Variants in TMEM39A observed in about 807,000 individuals in gnomAD.
TMEM39A encodes the protein transmembrane protein 39A.
In TMEM39A, 19 loss-of-function variants were observed where a neutral mutation model predicts 51.9. That is an observed-to-expected ratio of 0.37 (90% CI 0.26 to 0.54). The LOEUF is 0.54. Ranked by LOEUF, TMEM39A falls within the 20% of genes least tolerant of loss-of-function variation. The pLI is 0.88. For synonymous variants in TMEM39A, 197 were observed against 220.2 expected (o/e 0.89, Z 0.93); for missense variants, 433 against 590.5 (o/e 0.73, Z 2.76).
rs1357821862 is a variant in TMEM39A at position 119,447,112 on chromosome 3, C to T, written c.481G>A (p.Val161Ile). 1.2e-6 allele frequency: 2 copies of T among 1,614,090 alleles called. No homozygotes were observed. The highest frequency in any genetic ancestry group is 1.7e-5 in the Admixed American group (1 of 60,012). The change falls in exon 5 of 9, where the codon GTA (valine) becomes ATA (isoleucine). Residue 161 changes from valine to isoleucine, a missense_variant. Val to Ile is a conservative substitution (Grantham distance 29, BLOSUM62 3). Transcript: ENST00000319172. Reference protein sequence around the residue: ...HYMVLISARLVLLTLCGWVLC... With the variant: ...HYMVLISARLILLTLCGWVLC... ...ACCCATCCACACAAAGTGAGTAGTA[C>T]CAAGCGAGCTGATATCAGAACCATG...
intron 4 of TMEM39A, chr3:119,451,203 T>C (rs2081193355): frequency 2.4e-6 from 3 of 1,257,618 alleles, no homozygotes; most frequent in Non-Finnish European, 3.1e-6. Flanking sequence ...CAAGGAATCC[T>C]ACTACCTGTG....
chr3:119,444,590 GT>G (rs1315783554), intron 5 of TMEM39A, among the ~76,000 whole-genome samples: 1 of 152,070 alleles, frequency 6.6e-6, no homozygotes. Flanking sequence ...TTTATACTTT[GT>G]AATTACCCAC....
chr3:119,452,539 GAAAT>G lies in TMEM39A; in HGVS notation c.337-13_337-10del. 1 of 1,607,910 alleles carries G rather than the reference GAAAT, an allele frequency of 6.2e-7. No individual in the cohort carries two copies. The highest frequency in any genetic ancestry group is 2.2e-5 in the East Asian group (1 of 44,742). ...TCAATGAGATGAAAATTCTACAACA[GAAAT>G]AAATAACTACATCAGAAAGAAATAT... On this transcript the variant is annotated splice_polypyrimidine_tract_variant and intron_variant, in intron 3 of 8. Coordinates refer to ENST00000319172, the MANE Select transcript of TMEM39A (RefSeq NM_018266.3).
chr3:119,435,305 A>C (rs2080953286), intron 7 of TMEM39A: 1 of 985,288 alleles, frequency 1.0e-6, no homozygotes, highest in South Asian at 4.7e-5. Flanking sequence ...GCACATTGTC[A>C]ATCTAGCATG....
chr3:119,458,286 T>C, intron 2 of TMEM39A, 46 bp from the exon 3 acceptor site: 4 of 1,555,998 alleles, frequency 2.6e-6, no homozygotes, highest in Non-Finnish European at 3.5e-6. Context: ...TAACCTCCAG[T>C]ATCACAGAAC....
In TMEM39A at chr3:119,430,849, ACT is replaced by A. The variant is rs1460879165; in HGVS notation, c.*1130_*1131del. 6.6e-6 allele frequency: 1 copy of A among 152,092 alleles called. No individual in the cohort carries two copies. The highest frequency in any genetic ancestry group is 2.4e-5 in the African/African-American group (1 of 41,404). 9.4% of individuals were successfully genotyped at this position (152,092 alleles called of 1,614,324 possible). A position where few individuals can be genotyped will look rare whatever the true frequency, so the allele number is the denominator to read the frequency against. The stretch of plus-strand genomic sequence containing the variant: ...AAAGCTTCACAGTGTAACAAACCAA[ACT>A]CAGCACAGAAAACATATGACAATAT... On this transcript the variant is annotated 3_prime_UTR_variant, in exon 9 of 9. Transcript: ENST00000319172.
chr3:119,460,313 C>T (rs1477127772), intron 2 of TMEM39A, among the ~76,000 whole-genome samples: 4 of 152,000 alleles, frequency 2.6e-5, no homozygotes, highest in East Asian at 1.9e-4. Context: ...GAAAAGAATA[C>T]CAAACCCAGT....
At chr3:119,435,913 T>C (rs1308954739) in intron 7 of TMEM39A, 1 of 1,289,760 alleles carries the variant, frequency 7.8e-7, no homozygotes, top group Non-Finnish European at 1.0e-6. Context: ...TTTCAGTTCC[T>C]GGGCTTGAAG....
At chr3:119,445,004 T>C (rs1012056326) in intron 5 of TMEM39A, among the ~76,000 whole-genome samples, 2 of 151,908 alleles carry the variant, frequency 1.3e-5, no homozygotes, top group African/African-American at 4.8e-5. Flanking sequence ...TGCTTGAGCC[T>C]GAGAGGTCAA....
At chr3:119,445,563 C>G (rs559054885) in intron 5 of TMEM39A, among the ~76,000 whole-genome samples, 1 of 152,140 alleles carries the variant, frequency 6.6e-6, no homozygotes. Context: ...CCGCGCCCGG[C>G]GGGAATTTTA....
chr3:119,435,676 TA>T (rs11410721), intron 7 of TMEM39A: 326,178 of 872,502 alleles, frequency 0.37, 10,306 homozygotes, highest in East Asian at 0.42. Context: ...GATATGTTAT[TA>T]AAAAAAAAAA....
At position 119,460,218 on chromosome 3, in the gene TMEM39A, T is replaced by C. The variant is rs187289522; in HGVS notation, c.113+1744A>G. On this transcript the variant is annotated intron_variant, in intron 2 of 8. Transcript: ENST00000319172. Reference sequence around the variant, plus strand: ...CCCAGTTAATTGCTAAATAAACATATGTTAAAGGAGGAGAGAAAGGCAGAT... The same window carrying C: ...CCCAGTTAATTGCTAAATAAACATACGTTAAAGGAGGAGAGAAAGGCAGAT... Among the ~76,000 whole-genome samples the C allele has an allele frequency of 2.6e-5, 4 of 152,058 alleles. No individual in the cohort carries two copies. In the East Asian group the frequency reaches 5.8e-4, roughly 22 times the overall value.
rs376216576 is a variant in TMEM39A at position 119,430,179 on chromosome 3, T to C, written c.*1802A>G. 1 of 152,144 alleles carries C rather than the reference T, an allele frequency of 6.6e-6. No homozygotes were observed. Among genetic ancestry groups the C allele is most frequent in the East Asian group, 1.9e-4 (1 of 5,202 alleles). 9.4% of individuals were successfully genotyped at this position (152,144 alleles called of 1,614,324 possible). A position where few individuals can be genotyped will look rare whatever the true frequency, so the allele number is the denominator to read the frequency against. On this transcript the variant is annotated 3_prime_UTR_variant, in exon 9 of 9. Transcript: ENST00000319172. ...TTTAAAAAGCAACTAACCTAATATA[T>C]TTTCTTGCTATTCTTCCAATATACC...
intron 3 of TMEM39A, 84 bp from the exon 4 acceptor site, chr3:119,452,614 T>C: frequency 9.4e-7 from 1 of 1,064,170 alleles, no homozygotes; most frequent in Non-Finnish European, 1.4e-6. Context: ...GGTTTATCCC[T>C]CAAAAGATCT....
chr3:119,448,792 T>C (rs2081160937), intron 4 of TMEM39A, among the ~76,000 whole-genome samples: 1 of 152,194 alleles, frequency 6.6e-6, no homozygotes, highest in Non-Finnish European at 1.5e-5. Context: ...AAAAGACTAT[T>C]TCTGCCCAAT....
In TMEM39A at chr3:119,432,000, T is replaced by C. The variant is rs755186744; in HGVS notation, c.1448A>G (p.Tyr483Cys). ...GGCAGCTTAGTTTGCCTTGAGTTCATAACTGTTGAGTGGGTAGGAGTATGC... is the reference window on the plus strand; with the variant it reads ...GGCAGCTTAGTTTGCCTTGAGTTCACAACTGTTGAGTGGGTAGGAGTATGC... The part of the protein sequence containing the change: ...GRAYSYPLNS[Y>C]ELKAN The change falls in exon 9 of 9, where the codon TAT becomes TGT. Residue 483 changes from tyrosine to cysteine, a missense_variant. By Grantham distance (194) the Tyr-to-Cys change is radical. This residue lies in a region of TMEM39A where 223 missense variants were observed against 328.1 expected (regional missense o/e 0.68). Transcript: ENST00000319172. 8 of 1,607,536 alleles carry C rather than the reference T, an allele frequency of 5.0e-6. No homozygotes were observed. The highest frequency in any genetic ancestry group is 1.3e-5 in the African/African-American group (1 of 74,906).
intron 4 of TMEM39A, chr3:119,451,196 G>C: frequency 2.5e-6 from 3 of 1,221,402 alleles, no homozygotes; most frequent in Non-Finnish European, 3.1e-6. Flanking sequence ...TGAAAAACAA[G>C]GAATCCTACT....
chr3:119,436,758 G>T, intron 7 of TMEM39A, 33 bp downstream of exon 7: 1 of 1,566,182 alleles, frequency 6.4e-7, no homozygotes, highest in Non-Finnish European at 8.7e-7. Flanking sequence ...CATGTAGAAA[G>T]TGTTACATGG....
intron 6 of TMEM39A, among the ~76,000 whole-genome samples, chr3:119,437,256 G>T (rs1042265407): frequency 6.6e-6 from 1 of 152,140 alleles, no homozygotes; most frequent in Non-Finnish European, 1.5e-5. Flanking sequence ...CATTCCAGCT[G>T]CAGAAGTACT....
Sources: allele counts gnomAD v4.1 joint callset (sites outside exome capture counted in the v4.1 genomes callset), GRCh38; gene constraint gnomAD v4.1.1; regional missense constraint gnomAD v4.1.1; transcripts MANE v1.5; gene names NCBI Gene and HGNC (gene_info 2026-07-23, HGNC 2026-07-21).